MAML2: variants seen among roughly 807,000 people sequenced by gnomAD.
The protein encoded by MAML2 is mastermind like transcriptional coactivator 2.
Under a neutral mutation model 96.1 loss-of-function variants are expected in MAML2, and 22 were observed. That is an observed-to-expected ratio of 0.23 (90% CI 0.16 to 0.33). The LOEUF (loss-of-function observed/expected upper bound fraction) is 0.33. MAML2 is among the 10% of genes least tolerant of loss of function. The pLI, the probability that MAML2 is intolerant of heterozygous loss-of-function variation, is 1.00. For missense variants in MAML2, 1,367 were observed against 1,392.4 expected, an observed-to-expected ratio of 0.98 and a Z score of 0.29; for synonymous variants, 561 against 521.3, an observed-to-expected ratio of 1.08 and a Z score of -1.04.
chr11:96,307,361 T>G (rs1382860596), intron 1 of MAML2, among the ~76,000 whole-genome samples: 1 of 152,190 alleles, frequency 6.6e-6, no homozygotes, highest in Non-Finnish European at 1.5e-5. Context: ...ACTTATGCTT[T>G]TACTGTAAAG....
chr11:96,045,381 G>A (rs996340973), intron 2 of MAML2, among the ~76,000 whole-genome samples: 13 of 152,122 alleles, frequency 8.5e-5, no homozygotes, highest in African/African-American at 3.1e-4. Context: ...CTTTTTGTGT[G>A]GCAGAGGGGA....
intron 2 of MAML2, among the ~76,000 whole-genome samples, chr11:96,034,456 A>T (rs4990883): frequency 0.2 from 28,780 of 144,556 alleles, 3,047 homozygotes; most frequent in East Asian, 0.32. Flanking sequence ...AGAGAGAGAG[A>T]GTGTGTGTGT....
At chr11:96,131,183 A>G (rs1203569277) in intron 1 of MAML2, among the ~76,000 whole-genome samples, 1 of 152,204 alleles carries the variant, frequency 6.6e-6, no homozygotes, top group African/African-American at 2.4e-5. Flanking sequence ...GAAAGAGAAC[A>G]GCATACATAA....
intron 1 of MAML2, among the ~76,000 whole-genome samples, chr11:96,153,666 C>T (rs1267929328): frequency 2.6e-5 from 4 of 151,918 alleles, no homozygotes; most frequent in African/African-American, 9.7e-5. Flanking sequence ...AATCCCAGCA[C>T]TTTGGGAGGC....
chr11:96,122,394 T>C (rs912443961), intron 1 of MAML2, among the ~76,000 whole-genome samples: 2 of 152,056 alleles, frequency 1.3e-5, no homozygotes, highest in Admixed American at 1.3e-4. Context: ...AGTGCCCTAC[T>C]GTATATGGGT....
At chr11:96,081,044 C>T (rs977804268) in intron 2 of MAML2, among the ~76,000 whole-genome samples, 1 of 152,112 alleles carries the variant, frequency 6.6e-6, no homozygotes, top group Non-Finnish European at 1.5e-5. Flanking sequence ...TAAGCTACAA[C>T]ACTGGTTTGC....
At chr11:96,151,834 G>T (rs139853800) in intron 1 of MAML2, among the ~76,000 whole-genome samples, 1 of 152,272 alleles carries the variant, frequency 6.6e-6, no homozygotes, top group African/African-American at 2.4e-5. Flanking sequence ...CTCAGTCTCA[G>T]GTATTTTTTA....
intron 2 of MAML2, among the ~76,000 whole-genome samples, chr11:96,019,685 T>TAATA: frequency 3.7e-4 from 1 of 2,692 alleles, no homozygotes; most frequent in Non-Finnish European, 6.1e-4. Flanking sequence ...TAATAATAAT[T>TAATA]ATAATAATAA....
intron 1 of MAML2, among the ~76,000 whole-genome samples, chr11:96,221,546 T>C (rs1862137663): frequency 6.6e-6 from 1 of 152,160 alleles, no homozygotes; most frequent in African/African-American, 2.4e-5. Flanking sequence ...AAATATTGTT[T>C]CAATCATAAG....
chr11:96,040,361 C>T (rs1390963277), intron 2 of MAML2, among the ~76,000 whole-genome samples: 1 of 152,100 alleles, frequency 6.6e-6, no homozygotes, highest in Non-Finnish European at 1.5e-5. Context: ...CAGTATAATA[C>T]ACACACAGAA....
At chr11:95,986,697 A>G (rs1857834728) in intron 3 of MAML2, among the ~76,000 whole-genome samples, 1 of 152,176 alleles carries the variant, frequency 6.6e-6, no homozygotes, top group African/African-American at 2.4e-5. Flanking sequence ...AACTTGCTCA[A>G]GGTCACACAG....
At chr11:96,030,459 G>T (rs958645868) in intron 2 of MAML2, among the ~76,000 whole-genome samples, 6 of 152,004 alleles carry the variant, frequency 3.9e-5, no homozygotes, top group African/African-American at 1.4e-4. Flanking sequence ...AAGGAAAATT[G>T]TTATATAAGA....
chr11:96,055,526 T>C (rs1859052044), intron 2 of MAML2, among the ~76,000 whole-genome samples: 1 of 152,222 alleles, frequency 6.6e-6, no homozygotes, highest in African/African-American at 2.4e-5. Flanking sequence ...CTCTATACTT[T>C]GTATGAAAAG....
chr11:96,257,822 A>T (rs1324852353), intron 1 of MAML2, among the ~76,000 whole-genome samples: 2 of 152,194 alleles, frequency 1.3e-5, no homozygotes, highest in African/African-American at 4.8e-5. Context: ...ACTTACTAGT[A>T]ACAGAAAGGA....
intron 1 of MAML2, among the ~76,000 whole-genome samples, chr11:96,236,495 G>C (rs981671023): frequency 1.3e-5 from 2 of 151,990 alleles, no homozygotes; most frequent in Non-Finnish European, 2.9e-5. Context: ...GGTATTTTGG[G>C]GTATCTTTGA....
intron 1 of MAML2, among the ~76,000 whole-genome samples, chr11:96,335,129 T>C (rs1388627166): frequency 6.6e-6 from 1 of 152,184 alleles, no homozygotes; most frequent in Admixed American, 6.5e-5. Context: ...TTTTCCCTTG[T>C]AAACAAGAAC....
chr11:96,126,470 G>A (rs975632435), intron 1 of MAML2, among the ~76,000 whole-genome samples: 2 of 152,122 alleles, frequency 1.3e-5, no homozygotes, highest in Non-Finnish European at 2.9e-5. Flanking sequence ...GCTGAGACAA[G>A]AGAATCACTT....
At chr11:96,018,650 G>A (rs1425883876) in intron 2 of MAML2, among the ~76,000 whole-genome samples, 2 of 152,204 alleles carry the variant, frequency 1.3e-5, no homozygotes, top group Non-Finnish European at 1.5e-5. Context: ...AGGCTGGAGT[G>A]CAGTGGCACC....
chr11:96,309,696 AT>A (rs36116461), intron 1 of MAML2, among the ~76,000 whole-genome samples: 5,897 of 138,704 alleles, frequency 0.043, 261 homozygotes, highest in African/African-American at 0.12. Flanking sequence ...CAAAGGAACA[AT>A]TTTTTTTTTT....
Sources: gnomAD v4.1 joint callset for allele counts (sites outside exome capture counted in the v4.1 genomes callset) on GRCh38, gnomAD v4.1.1 for gene constraint, MANE v1.5 for transcripts, NCBI Gene and HGNC (gene_info 2026-07-23, HGNC 2026-07-21) for gene names.